CLDN16: variants seen among roughly 807,000 people sequenced by gnomAD.
CLDN16 encodes claudin-16.
CLDN16 carries 13 observed loss-of-function variants against 24.6 expected under a neutral mutation model. That is an observed-to-expected ratio of 0.53 (90% CI 0.34 to 0.84). The LOEUF (loss-of-function observed/expected upper bound fraction) is 0.84. Among genes scored for constraint, CLDN16 ranks in the 40% least tolerant of loss-of-function variants. CLDN16 has a pLI of 0.01. For synonymous variants in CLDN16, 116 were observed against 106.7 expected (o/e 1.09, Z -0.54); for missense variants, 298 against 292.7 (o/e 1.02, Z -0.13).
chr3:190,388,541 A>G, intron 1 of CLDN16, 98 bp downstream of exon 1: 1 of 991,086 alleles, frequency 1.0e-6, no homozygotes, highest in South Asian at 1.3e-5. Context: ...TACTAAGGCT[A>G]ATGATACCAA....
intron 1 of CLDN16, among the ~76,000 whole-genome samples, chr3:190,332,423 TA>T (rs1347990823): frequency 6.6e-6 from 1 of 152,120 alleles, no homozygotes; most frequent in African/African-American, 2.4e-5. Flanking sequence ...CATGATTGAG[TA>T]AAGAGAGACA....
intron 2 of CLDN16, among the ~76,000 whole-genome samples, chr3:190,402,995 T>C (rs760553670): frequency 3.3e-5 from 5 of 152,152 alleles, no homozygotes; most frequent in African/African-American, 4.8e-5. Context: ...ACAGGCAATA[T>C]TGAAGCTGGC....
Position 190,404,651 on chromosome 3 carries a change from C to T in CLDN16, c.218-111C>T, listed in dbSNP as rs116415744. 1,213 of 1,006,112 alleles carry T rather than the reference C, an allele frequency of 1.2e-3. 9 individuals carry two copies. In the African/African-American group the frequency reaches 0.018, roughly 15 times the overall value. 62.3% of individuals were successfully genotyped at this position (1,006,112 alleles called of 1,614,324 possible). Reference sequence around the variant, plus strand: ...AGTTCATACAAAGTCTGACTTTTACCGGAGGGGTGTGTTAATGTTACCTAC... The same window carrying T: ...AGTTCATACAAAGTCTGACTTTTACTGGAGGGGTGTGTTAATGTTACCTAC... On this transcript the variant is annotated intron_variant, in intron 2 of 4. Coordinates refer to ENST00000264734, the MANE Select transcript of CLDN16 (RefSeq NM_006580.4).
chr3:190,323,555 G>C (rs2108618015), intron 1 of CLDN16, among the ~76,000 whole-genome samples: 1 of 152,292 alleles, frequency 6.6e-6, no homozygotes, highest in East Asian at 1.9e-4. Flanking sequence ...TTTGTGTGTG[G>C]TGCGAGTGTG....
At chr3:190,330,966 A>G (rs1238934859) in intron 1 of CLDN16, among the ~76,000 whole-genome samples, 3 of 152,182 alleles carry the variant, frequency 2.0e-5, no homozygotes, top group East Asian at 1.9e-4. Flanking sequence ...ATTCTATGAC[A>G]TTTGCACAAG....
At chr3:190,402,552 A>G in intron 2 of CLDN16, 113 bp downstream of exon 2, 1 of 793,092 alleles carries the variant, frequency 1.3e-6, no homozygotes, top group Non-Finnish European at 2.2e-6. Context: ...GGTTCGGTCC[A>G]GTTTGTAATG....
At chr3:190,308,121 G>C in the CLDN16 span, 2 of 859,962 alleles carry the variant, frequency 2.3e-6, no homozygotes, top group Non-Finnish European at 1.9e-6. Context: ...TTAGCACTGA[G>C]TATTTTAACA....
At chr3:190,394,637 C>T (rs967755200) in intron 1 of CLDN16, among the ~76,000 whole-genome samples, 2 of 152,190 alleles carry the variant, frequency 1.3e-5, no homozygotes, top group South Asian at 4.1e-4. Flanking sequence ...CACTGATGTA[C>T]ATTAATGTGA....
At chr3:190,396,752 A>G (rs1559651) in intron 1 of CLDN16, among the ~76,000 whole-genome samples, 121,525 of 152,118 alleles carry the variant, frequency 0.8, 48,682 homozygotes, top group East Asian at 0.89. Flanking sequence ...GGATTTCAGG[A>G]TAGAAAGTGA....
intron 2 of CLDN16, among the ~76,000 whole-genome samples, chr3:190,403,852 G>A (rs1410182357): frequency 1.3e-5 from 2 of 151,892 alleles, no homozygotes; most frequent in Non-Finnish European, 2.9e-5. Context: ...GAATAGGAAT[G>A]GACATTTTGT....
chr3:190,373,266 T>C (rs1718179976), intron 2 of CLDN16, among the ~76,000 whole-genome samples: 1 of 151,982 alleles, frequency 6.6e-6, no homozygotes, highest in South Asian at 2.1e-4. Context: ...CCTTAGTCCA[T>C]TGACTCACCC....
the CLDN16 span, among the ~76,000 whole-genome samples, chr3:190,293,272 G>A: frequency 2.0e-5 from 3 of 152,122 alleles, no homozygotes; most frequent in African/African-American, 4.8e-5. Context: ...AGAACAGTAT[G>A]GGGGAACCAC....
chr3:190,353,756 C>A (rs767760864), intron 1 of CLDN16, among the ~76,000 whole-genome samples: 9 of 152,032 alleles, frequency 5.9e-5, no homozygotes, highest in Non-Finnish European at 1.3e-4. Flanking sequence ...AGAGCTGGTT[C>A]TAGTAGTAAA....
chr3:190,304,662 A>G, the CLDN16 span, among the ~76,000 whole-genome samples: 1 of 151,716 alleles, frequency 6.6e-6, no homozygotes, highest in African/African-American at 2.4e-5. Flanking sequence ...AAATGAAGAG[A>G]TTTTAGGGCA....
chr3:190,314,949 T>G, the CLDN16 span, among the ~76,000 whole-genome samples: 3 of 152,114 alleles, frequency 2.0e-5, no homozygotes, highest in African/African-American at 7.2e-5. Context: ...GACCACAGGT[T>G]TACCAGGAAG....
upstream of CLDN16, among the ~76,000 whole-genome samples, chr3:190,386,284 T>C (rs1404654640): frequency 6.6e-6 from 1 of 152,168 alleles, no homozygotes; most frequent in Non-Finnish European, 1.5e-5. Context: ...GTATTTTTTT[T>C]CCAACTGTTA....
At chr3:190,324,170 GT>G (rs1292335749) in intron 1 of CLDN16, among the ~76,000 whole-genome samples, 2 of 152,154 alleles carry the variant, frequency 1.3e-5, no homozygotes, top group African/African-American at 2.4e-5. Context: ...AGAATTAAAA[GT>G]ATTATTAAAC....
chr3:190,383,837 T>A (rs1718424988), upstream of CLDN16, among the ~76,000 whole-genome samples: 1 of 152,210 alleles, frequency 6.6e-6, no homozygotes, highest in African/African-American at 2.4e-5. Context: ...TACATATGTA[T>A]ATGCATGGCA....
chr3:190,380,894 G>T (rs939282035), intron 3 of CLDN16, among the ~76,000 whole-genome samples: 3 of 152,084 alleles, frequency 2.0e-5, no homozygotes, highest in Admixed American at 1.3e-4. Flanking sequence ...AAATGGAAAT[G>T]GTTCTATAAA....
Sources: allele counts gnomAD v4.1 joint callset (sites outside exome capture counted in the v4.1 genomes callset), GRCh38; gene constraint gnomAD v4.1.1; transcripts MANE v1.5; gene names NCBI Gene and HGNC (gene_info 2026-07-23, HGNC 2026-07-21).